FNDC7: variants seen among roughly 807,000 people sequenced by gnomAD.
The protein encoded by FNDC7 is fibronectin type III domain containing 7.
A neutral mutation model predicts 74.2 loss-of-function variants in FNDC7; 66 were observed. The observed-to-expected ratio is 0.89, with a 90% CI of 0.73 to 1.09. FNDC7 has a LOEUF of 1.09. Ranked by LOEUF, FNDC7 falls within the 50% of genes least tolerant of loss-of-function variation. The pLI, the probability that FNDC7 is intolerant of heterozygous loss-of-function variation, is 0.00. For synonymous variants in FNDC7, 307 were observed against 330.2 expected, an observed-to-expected ratio of 0.93 and a Z score of 0.76; for missense variants, 829 against 893.4, an observed-to-expected ratio of 0.93 and a Z score of 0.92.
chr1:108,741,856 T>C lies in FNDC7; in HGVS notation c.*37+15T>C. The C allele has an allele frequency of 6.3e-7, 1 of 1,587,764 alleles. No individual in the cohort carries two copies. Among genetic ancestry groups the C allele is most frequent in the East Asian group, 2.2e-5 (1 of 44,738 alleles). ...AACTTGACCAAGTGAGTAACGTAAA[T>C]TGATTTTGTGTGATTTTATGGCAAA... On this transcript the variant is annotated intron_variant, in intron 12 of 12. Coordinates refer to ENST00000370017, the MANE Select transcript of FNDC7 (RefSeq NM_001144937.3).
In FNDC7 at chr1:108,733,325, C is replaced by A; in HGVS notation, c.1933C>A (p.Arg645=). 1.9e-6 allele frequency: 3 copies of A among 1,614,120 alleles called. No individual in the cohort carries two copies. The highest frequency in any genetic ancestry group is 2.5e-6 in the Non-Finnish European group (3 of 1,180,018). The change falls in exon 10 of 13, where the codon CGG becomes AGG. Residue 645 remains arginine (R), a synonymous_variant. Coordinates refer to ENST00000370017, the MANE Select transcript of FNDC7 (RefSeq NM_001144937.3). ...ATATAGGCTGGGCCCTAATGGCATC[C>A]GGATCTACTGGCAAGCCTCCAGGGG... is the stretch of plus-strand genomic sequence containing the variant. ...KLYRLGPNGI[R]IYWQASRGSA...
At chr1:108,732,599 C>T (rs888903080) in intron 9 of FNDC7, among the ~76,000 whole-genome samples, 9 of 152,160 alleles carry the variant, frequency 5.9e-5, no homozygotes, top group Non-Finnish European at 1.3e-4. Context: ...GAATCATGTA[C>T]AATATGTATC....
At chr1:108,734,523 A>G (rs1303858440) in intron 10 of FNDC7, 1 of 152,262 alleles carries the variant, frequency 6.6e-6, no homozygotes, top group East Asian at 1.9e-4. Context: ...AAAAGAATAA[A>G]TATTGGCTCA....
intron 11 of FNDC7, among the ~76,000 whole-genome samples, chr1:108,739,049 G>A (rs530061105): frequency 6.6e-6 from 1 of 152,092 alleles, no homozygotes; most frequent in South Asian, 2.1e-4. Context: ...CAGGGGAGAG[G>A]AGTGGTGTAT....
At chr1:108,721,228 G>T (rs1486791392) in intron 4 of FNDC7, among the ~76,000 whole-genome samples, 1 of 152,130 alleles carries the variant, frequency 6.6e-6, no homozygotes, top group Non-Finnish European at 1.5e-5. Flanking sequence ...CCAGCACTTT[G>T]GGAGGCTGAG....
intron 1 of FNDC7, 65 bp downstream of exon 1, chr1:108,713,061 T>G: frequency 2.1e-6 from 3 of 1,424,082 alleles, no homozygotes; most frequent in Non-Finnish European, 1.9e-6. Flanking sequence ...ATTATTTTTC[T>G]CTCCTTTTTT....
chr1:108,718,896 G>C lies in FNDC7; in HGVS notation c.445G>C (p.Ala149Pro), dbSNP rs1293680549. 2 of 1,551,778 alleles carry C rather than the reference G, an allele frequency of 1.3e-6. No individual in the cohort carries two copies. Among genetic ancestry groups the C allele is most frequent in the Non-Finnish European group, 8.7e-7 (1 of 1,147,014 alleles). The part of the protein sequence containing the change: ...AIAFSVSIMR[A>P]NGLGSIWKEN... ...TGCATTCTCCGTGTCCATTATGCGA[G>C]CCAATGGCTTGGGGAGTATATGGAA... Residue 149 changes from alanine (A) to proline (P), a missense_variant, in exon 4 of 13, where the codon GCC (alanine) becomes CCC (proline). By Grantham distance (27) the Ala-to-Pro change is conservative. Coordinates refer to ENST00000370017, the MANE Select transcript of FNDC7 (RefSeq NM_001144937.3).
rs1661663102 is a variant in FNDC7, at chr1:108,742,103, G to A, written c.*216G>A. 7.2e-6 allele frequency: 3 copies of A among 414,556 alleles called. No individual in the cohort carries two copies. The highest frequency in any genetic ancestry group is 4.1e-5 in the African/African-American group (2 of 48,294). 25.7% of individuals were successfully genotyped at this position (414,556 alleles called of 1,614,324 possible). ...AGCAGTTGGAGATCTGCTATGTGAG[G>A]ACTCTGGAGAGAAATGAATCCAGAA... On this transcript the variant is annotated 3_prime_UTR_variant, in exon 13 of 13. Transcript: ENST00000370017.
At chr1:108,728,583 T>C (rs1661270351) in intron 7 of FNDC7, 49 bp from the exon 8 acceptor site, 2 of 1,605,138 alleles carry the variant, frequency 1.2e-6, no homozygotes, top group Non-Finnish European at 1.7e-6. Context: ...ATGGCACATG[T>C]GATATTTTTG....
rs1246945645 is a variant in FNDC7 at position 108,725,962 on chromosome 1, G to C, written c.1069G>C (p.Ala357Pro). ...YFISVFVYNK[A>P]GQSPLGDIFN... is the part of the protein sequence containing the mutation. ...TATTAGTGTTTTTGTCTATAACAAG[G>C]CAGGGCAAAGTCCTTTGGGTGACAT... The change falls in exon 6 of 13, where the codon GCA becomes CCA. Residue 357 changes from alanine to proline, a missense_variant. Ala to Pro is a conservative substitution (Grantham distance 27). Coordinates refer to ENST00000370017, the MANE Select transcript of FNDC7 (RefSeq NM_001144937.3). The C allele has an allele frequency of 1.9e-6, 3 of 1,614,182 alleles. No homozygotes were observed. The highest frequency in any genetic ancestry group is 1.7e-6 in the Non-Finnish European group (2 of 1,180,024).
chr1:108,737,419 T>C (rs190695450), intron 10 of FNDC7, 76 bp from the exon 11 acceptor site: 6 of 1,342,840 alleles, frequency 4.5e-6, no homozygotes, highest in South Asian at 1.3e-5. Context: ...TTTTATTCTT[T>C]CTTAAGTTAA....
chr1:108,731,260 G>C (rs959804575), intron 9 of FNDC7, among the ~76,000 whole-genome samples: 49 of 152,158 alleles, frequency 3.2e-4, no homozygotes, highest in African/African-American at 1.0e-3. Flanking sequence ...CACACATTCT[G>C]TTTGGTTTGC....
Position 108,722,466 on chromosome 1 carries a change from T to C in FNDC7, c.730T>C (p.Cys244Arg). Reference protein sequence around the residue: ...MALSDSSELTCSTTFSSCTIS... With the variant: ...MALSDSSELTRSTTFSSCTIS... ...TTTGAGCGACTCTTCAGAGCTGACCTGCAGTACAACTTTCAGTTCCTGCAC... is the reference window on the plus strand; with the variant it reads ...TTTGAGCGACTCTTCAGAGCTGACCCGCAGTACAACTTTCAGTTCCTGCAC... The change falls in exon 5 of 13, where the codon TGC (cysteine) becomes CGC (arginine). Residue 244 changes from cysteine (C) to arginine (R), a missense_variant. Physicochemically the swap from Cys to Arg is radical, Grantham distance 180 (BLOSUM62 -3). Transcript: ENST00000370017. 6.2e-7 allele frequency: 1 copy of C among 1,614,244 alleles called. No individual in the cohort carries two copies. The highest frequency in any genetic ancestry group is 8.5e-7 in the Non-Finnish European group (1 of 1,180,042).
rs915225330 is a variant in FNDC7, at chr1:108,735,571, G to C, written c.2141-1924G>C. 9.2e-5 allele frequency among the ~76,000 whole-genome samples: 14 copies of C among 152,142 alleles called. 1 individual carries two copies. Among genetic ancestry groups the C allele is most frequent in the Admixed American group, 9.2e-4 (14 of 15,292 alleles). ...CCATATTAAAAAAGTAAAAAGAGGT[G>C]AAATTAATTTCATAATATATTTTAG... On this transcript the variant is annotated intron_variant, in intron 10 of 12. Transcript: ENST00000370017.
chr1:108,738,545 C>T (rs1352734260), intron 11 of FNDC7, among the ~76,000 whole-genome samples: 2 of 145,808 alleles, frequency 1.4e-5, no homozygotes, highest in African/African-American at 5.1e-5. Context: ...CCCACCCCCA[C>T]CCCACCCCTC....
At chr1:108,728,918 T>A in intron 8 of FNDC7, 32 bp downstream of exon 8, 1 of 1,605,384 alleles carries the variant, frequency 6.2e-7, no homozygotes, top group Non-Finnish European at 8.5e-7. Context: ...GAATGTTGAC[T>A]TCAGTGGGGT....
chr1:108,742,094 C>G lies in FNDC7; in HGVS notation c.*207C>G. 2.2e-6 allele frequency: 1 copy of G among 448,524 alleles called. No homozygotes were observed. Among genetic ancestry groups the G allele is most frequent in the East Asian group, 4.4e-5 (1 of 22,654 alleles). 27.8% of individuals were successfully genotyped at this position (448,524 alleles called of 1,614,324 possible). A position where few individuals can be genotyped will look rare whatever the true frequency, so the allele number is the denominator to read the frequency against. ...CACCTGCACAGCAGTTGGAGATCTG[C>G]TATGTGAGGACTCTGGAGAGAAATG... On this transcript the variant is annotated 3_prime_UTR_variant, in exon 13 of 13. Transcript: ENST00000370017.
At chr1:108,733,167 C>G in intron 9 of FNDC7, 105 bp from the exon 10 acceptor site, 2 of 1,379,896 alleles carry the variant, frequency 1.4e-6, no homozygotes, top group South Asian at 2.7e-5. Flanking sequence ...AATCCTGTTA[C>G]TTAGACTAGT....
chr1:108,727,872 G>A lies in FNDC7; in HGVS notation c.1176G>A (p.Trp392Ter). 1.2e-6 allele frequency: 2 copies of A among 1,614,152 alleles called. No individual in the cohort carries two copies. The highest frequency in any genetic ancestry group is 1.3e-5 in the African/African-American group (1 of 75,012). Residue 392 changes from tryptophan (W) to a stop codon, truncating the protein, a stop_gained, in exon 7 of 13, where the codon TGG (tryptophan) becomes TGA (stop). Coordinates refer to ENST00000370017, the MANE Select transcript of FNDC7 (RefSeq NM_001144937.3). LOFTEE classifies it high-confidence loss of function. Reference sequence around the variant, plus strand: ...CCAGTGACAGAGTTGAGATTGTCTGGTCTCCTGTCCGTGGTGCCGAACTGT... The same window carrying A: ...CCAGTGACAGAGTTGAGATTGTCTGATCTCCTGTCCGTGGTGCCGAACTGT... ...LVSSDRVEIV[W>*]SPVRGAELYE...
Sources: allele counts gnomAD v4.1 joint callset (sites outside exome capture counted in the v4.1 genomes callset), GRCh38; gene constraint gnomAD v4.1.1; transcripts MANE v1.5; gene names NCBI Gene and HGNC (gene_info 2026-07-23, HGNC 2026-07-21).